EPC2: variants seen among roughly 807,000 people sequenced by gnomAD.
EPC2 encodes enhancer of polycomb homolog 2.
In EPC2, 14 loss-of-function variants were observed where a neutral mutation model predicts 92.1. The observed-to-expected ratio is 0.15, with a 90% CI of 0.10 to 0.24. EPC2 has a LOEUF of 0.24. Ranked by LOEUF, EPC2 falls within the 10% of genes least tolerant of loss-of-function variation. The pLI is 1.00. For missense variants in EPC2, 755 were observed against 971.5 expected (o/e 0.78, Z 2.96); for synonymous variants, 340 against 334.7 (o/e 1.02, Z -0.17).
At chr2:148,706,154 T>C (rs1267917096) in intron 2 of EPC2, among the ~76,000 whole-genome samples, 1 of 152,114 alleles carries the variant, frequency 6.6e-6, no homozygotes, top group Non-Finnish European at 1.5e-5. Flanking sequence ...GAGAAGACCT[T>C]AAATGACCTG....
rs1246305969 is a variant in EPC2 at position 148,770,870 on chromosome 2, C to A, written c.1309C>A (p.Leu437Ile). 1 of 1,613,808 alleles carries A rather than the reference C, an allele frequency of 6.2e-7. No homozygotes were observed. The part of the protein sequence containing the change: ...DLDKLRYRHC[L>I]TTLTVPRRCI... ...GGATAAGTTGAGGTATAGGCATTGCCTTACAACACTTACAGTCCCAAGAAG... is the reference window on the plus strand; with the variant it reads ...GGATAAGTTGAGGTATAGGCATTGCATTACAACACTTACAGTCCCAAGAAG... The change falls in exon 9 of 14, where the codon CTT (leucine) becomes ATT (isoleucine). Residue 437 changes from leucine to isoleucine, a missense_variant. Leu to Ile is a conservative substitution (Grantham distance 5, BLOSUM62 2). Coordinates refer to ENST00000258484, the MANE Select transcript of EPC2 (RefSeq NM_015630.4).
intron 4 of EPC2, among the ~76,000 whole-genome samples, chr2:148,754,703 G>C (rs1466953224): frequency 6.6e-6 from 1 of 152,134 alleles, no homozygotes; most frequent in African/African-American, 2.4e-5. Context: ...ACAGTCAGAA[G>C]TAAGAGTGGA....
chr2:148,663,185 T>C (rs1391094413), intron 1 of EPC2, among the ~76,000 whole-genome samples: 1 of 136,580 alleles, frequency 7.3e-6, no homozygotes, highest in Non-Finnish European at 1.6e-5. Flanking sequence ...AGGTATCTAC[T>C]GTGTTTTTGT....
At chr2:148,685,441 G>T (rs2105368887) in intron 1 of EPC2, among the ~76,000 whole-genome samples, 1 of 152,310 alleles carries the variant, frequency 6.6e-6, no homozygotes, top group South Asian at 2.1e-4. Context: ...CAAGTTACAT[G>T]AATATTTTGG....
intron 3 of EPC2, among the ~76,000 whole-genome samples, chr2:148,745,876 C>G (rs1682976617): frequency 6.6e-6 from 1 of 152,036 alleles, no homozygotes; most frequent in Non-Finnish European, 1.5e-5. Flanking sequence ...GGCAAACCTG[C>G]CTCTGTTATT....
At chr2:148,702,923 G>T (rs1488548463) in intron 2 of EPC2, among the ~76,000 whole-genome samples, 1 of 152,052 alleles carries the variant, frequency 6.6e-6, no homozygotes, top group East Asian at 1.9e-4. Flanking sequence ...TGTGGCACAG[G>T]GAAGCCAAAA....
chr2:148,755,511 A>G (rs1478569155), intron 4 of EPC2, among the ~76,000 whole-genome samples: 1 of 152,194 alleles, frequency 6.6e-6, no homozygotes, highest in Non-Finnish European at 1.5e-5. Flanking sequence ...GACGGGCTGC[A>G]TATATGATGG....
rs187349494 is a variant in EPC2, at chr2:148,758,935, A to G, written c.667-2847A>G. 1.1e-3 allele frequency among the ~76,000 whole-genome samples: 164 copies of G among 152,312 alleles called. 1 individual carries two copies. The highest frequency in any genetic ancestry group is 3.7e-3 in the African/African-American group (155 of 41,566). ...CCCAAATTGAGGAATATTCTACAAC[A>G]TAGTCTCTAGTCTTTGAAAATGTTA... is the stretch of plus-strand genomic sequence containing the variant. On this transcript the variant is annotated intron_variant, in intron 4 of 13. Transcript: ENST00000258484.
chr2:148,746,211 C>G (rs1200126102), intron 3 of EPC2, among the ~76,000 whole-genome samples: 2 of 151,884 alleles, frequency 1.3e-5, no homozygotes, highest in African/African-American at 4.8e-5. Flanking sequence ...AATGTATTAC[C>G]TTTGGCCTTG....
At chr2:148,691,694 C>G (rs1383047982) in intron 2 of EPC2, 1 of 1,342,500 alleles carries the variant, frequency 7.4e-7, no homozygotes, top group East Asian at 2.5e-5. Flanking sequence ...TGTTTTTGGA[C>G]CACAGTATTA....
chr2:148,696,896 A>G (rs2105374973), intron 2 of EPC2, among the ~76,000 whole-genome samples: 1 of 152,318 alleles, frequency 6.6e-6, no homozygotes, highest in South Asian at 2.1e-4. Context: ...ACCTACAAAA[A>G]TATTTTCTCA....
At chr2:148,669,628 G>A (rs889648713) in intron 1 of EPC2, among the ~76,000 whole-genome samples, 12 of 152,160 alleles carry the variant, frequency 7.9e-5, no homozygotes, top group African/African-American at 2.9e-4. Flanking sequence ...GCTGCAGTGC[G>A]CAGTGTTGGC....
intron 7 of EPC2, among the ~76,000 whole-genome samples, chr2:148,765,728 GACTTTT>G (rs1235910361): frequency 1.3e-5 from 2 of 152,116 alleles, no homozygotes; most frequent in African/African-American, 4.8e-5. Context: ...TTTAAAATAA[GACTTTT>G]ACTTTATATA....
intron 2 of EPC2, among the ~76,000 whole-genome samples, chr2:148,725,511 C>T (rs1187443365): frequency 2.5e-4 from 38 of 151,956 alleles, no homozygotes; most frequent in Non-Finnish European, 1.6e-4. Flanking sequence ...TTTATATAAC[C>T]ACAGCATTGT....
Position 148,690,257 on chromosome 2 carries a change from G to C in EPC2, c.197G>C (p.Arg66Thr). Residue 66 changes from arginine (R) to threonine (T), a missense_variant, in exon 2 of 14, where the codon AGA becomes ACA. Arg to Thr is a moderately conservative substitution (Grantham distance 71, BLOSUM62 -1). This residue lies in a region of EPC2 where 509 missense variants were observed against 607.7 expected (regional missense o/e 0.84). Transcript: ENST00000258484. ...GCAATTTCAGCACAGCAAGTGTTTA[G>C]AGAAAAAAAAGAGAGTATGGTCATT... is the stretch of plus-strand genomic sequence containing the variant. Reference protein sequence around the residue: ...QRAISAQQVFREKKESMVIPV... With the variant: ...QRAISAQQVFTEKKESMVIPV... The C allele has an allele frequency of 6.2e-7, 1 of 1,608,464 alleles. No homozygotes were observed. Among genetic ancestry groups the C allele is most frequent in the Non-Finnish European group, 8.5e-7 (1 of 1,178,352 alleles).
At chr2:148,698,994 T>C (rs1681818592) in intron 2 of EPC2, among the ~76,000 whole-genome samples, 1 of 152,082 alleles carries the variant, frequency 6.6e-6, no homozygotes, top group African/African-American at 2.4e-5. Context: ...TAGTTTTATA[T>C]CCTTCCGTAG....
chr2:148,721,981 T>C (rs943397332), intron 2 of EPC2, among the ~76,000 whole-genome samples: 1 of 150,470 alleles, frequency 6.6e-6, no homozygotes, highest in African/African-American at 2.4e-5. Context: ...TAAAGCCTTA[T>C]AGTTTTCTGA....
At chr2:148,704,420 G>A (rs1295386565) in intron 2 of EPC2, among the ~76,000 whole-genome samples, 4 of 152,156 alleles carry the variant, frequency 2.6e-5, no homozygotes, top group Admixed American at 6.5e-5. Flanking sequence ...AAGATGAAAA[G>A]CATTAGGGAG....
At chr2:148,743,575 A>G (rs1226825927) in intron 2 of EPC2, 47 bp from the exon 3 acceptor site, 2 of 1,431,224 alleles carry the variant, frequency 1.4e-6, no homozygotes, top group Admixed American at 5.4e-5. Flanking sequence ...ACAATGTATA[A>G]TTTCATAATT....
Sources: allele counts gnomAD v4.1 joint callset (sites outside exome capture counted in the v4.1 genomes callset), GRCh38; gene constraint gnomAD v4.1.1; regional missense constraint gnomAD v4.1.1; transcripts MANE v1.5; gene names NCBI Gene and HGNC (gene_info 2026-07-23, HGNC 2026-07-21).